The following NKAIN3 variants were observed in gnomAD, a reference collection of about 807,000 sequenced individuals.
The protein encoded by NKAIN3 is sodium/potassium-transporting ATPase subunit beta-1-interacting protein 3.
NKAIN3 carries 25 observed loss-of-function variants against 30.2 expected under a neutral mutation model. The ratio of observed to expected loss-of-function variants is 0.83; its 90% CI spans 0.60 to 1.16. The LOEUF (loss-of-function observed/expected upper bound fraction) is 1.16, where lower values mean the gene tolerates loss of function less well. NKAIN3 is among the 50% of genes most tolerant of loss of function. The pLI, the probability that NKAIN3 is intolerant of heterozygous loss-of-function variation, is 0.00. For missense variants in NKAIN3, 225 were observed against 254.1 expected (o/e 0.89, Z 0.78); for synonymous variants, 91 against 89.6 (o/e 1.02, Z -0.09).
chr8:62,279,913 A>G (rs1813115569), intron 1 of NKAIN3, among the ~76,000 whole-genome samples: 1 of 152,164 alleles, frequency 6.6e-6, no homozygotes, highest in African/African-American at 2.4e-5. Flanking sequence ...TTGTGAAGAA[A>G]GTCATTGGTA....
chr8:62,902,677 G>A (rs528438647), intron 4 of NKAIN3, among the ~76,000 whole-genome samples: 5 of 152,124 alleles, frequency 3.3e-5, no homozygotes, highest in East Asian at 1.9e-4. Context: ...GATTGTAAAC[G>A]GGTAAATATT....
chr8:62,607,849 C>T, intron 3 of NKAIN3, among the ~76,000 whole-genome samples: 1 of 152,020 alleles, frequency 6.6e-6, no homozygotes, highest in East Asian at 1.9e-4. Flanking sequence ...TATGAGTGAT[C>T]ATTTTCTGAA....
At chr8:62,789,312 C>A (rs866509914) in intron 4 of NKAIN3, among the ~76,000 whole-genome samples, 4 of 151,980 alleles carry the variant, frequency 2.6e-5, no homozygotes, top group South Asian at 2.1e-4. Flanking sequence ...ATGGGAGTTC[C>A]CTCATGATTT....
chr8:62,477,369 A>G (rs1806554737), intron 1 of NKAIN3, among the ~76,000 whole-genome samples: 1 of 152,112 alleles, frequency 6.6e-6, no homozygotes, highest in African/African-American at 2.4e-5. Context: ...AAACTGGTGA[A>G]TTGGATGAAT....
intron 4 of NKAIN3, among the ~76,000 whole-genome samples, chr8:62,848,141 G>A (rs1819748615): frequency 6.6e-6 from 1 of 152,088 alleles, no homozygotes; most frequent in South Asian, 2.1e-4. Context: ...TTTCTGCTTA[G>A]GATTGCCTTG....
At chr8:62,509,883 A>G (rs1206270295) in intron 1 of NKAIN3, among the ~76,000 whole-genome samples, 1 of 152,110 alleles carries the variant, frequency 6.6e-6, no homozygotes, top group African/African-American at 2.4e-5. Flanking sequence ...GTGCAGGGAA[A>G]TAATAATAAT....
At chr8:62,255,501 G>A (rs896459849) in intron 1 of NKAIN3, among the ~76,000 whole-genome samples, 13 of 152,158 alleles carry the variant, frequency 8.5e-5, no homozygotes, top group African/African-American at 2.9e-4. Context: ...TATGAGATAA[G>A]TTGCTCCTCT....
intron 6 of NKAIN3, among the ~76,000 whole-genome samples, chr8:62,963,859 C>T (rs531234056): frequency 1.1e-4 from 17 of 152,054 alleles, no homozygotes; most frequent in African/African-American, 3.9e-4. Flanking sequence ...TTTTTTTAGT[C>T]GTTTTCTTCA....
At chr8:62,920,537 G>T (rs1036164577) in intron 5 of NKAIN3, among the ~76,000 whole-genome samples, 6 of 152,174 alleles carry the variant, frequency 3.9e-5, no homozygotes, top group African/African-American at 1.4e-4. Context: ...CTTCTTTTCA[G>T]TGTATATAAA....
At chr8:62,826,828 G>A (rs1167620554) in intron 4 of NKAIN3, among the ~76,000 whole-genome samples, 1 of 152,186 alleles carries the variant, frequency 6.6e-6, no homozygotes, top group African/African-American at 2.4e-5. Flanking sequence ...AACTTAAACA[G>A]CTGAGACATG....
intron 3 of NKAIN3, among the ~76,000 whole-genome samples, chr8:62,682,621 C>G (rs1214378004): frequency 6.6e-6 from 1 of 152,128 alleles, no homozygotes; most frequent in African/African-American, 2.4e-5. Flanking sequence ...GAACTAGATG[C>G]TTTTGAGGTG....
At chr8:62,265,773 T>C (rs1812582698) in intron 1 of NKAIN3, among the ~76,000 whole-genome samples, 1 of 152,184 alleles carries the variant, frequency 6.6e-6, no homozygotes, top group African/African-American at 2.4e-5. Context: ...ACCGGGTGAC[T>C]TCAGATTTTT....
chr8:62,684,490 C>T (rs995624957), intron 3 of NKAIN3, among the ~76,000 whole-genome samples: 8 of 152,022 alleles, frequency 5.3e-5, no homozygotes, highest in Non-Finnish European at 7.4e-5. Flanking sequence ...AATATTGGGA[C>T]GAGAAGGATG....
chr8:62,619,535 A>G (rs1466604544), intron 3 of NKAIN3, among the ~76,000 whole-genome samples: 1 of 152,148 alleles, frequency 6.6e-6, no homozygotes, highest in East Asian at 1.9e-4. Context: ...CAACCAATGT[A>G]TATCTTAAAT....
At chr8:62,830,988 G>A (rs186375614) in intron 4 of NKAIN3, among the ~76,000 whole-genome samples, 72 of 152,186 alleles carry the variant, frequency 4.7e-4, no homozygotes, top group African/African-American at 1.3e-3. Context: ...TATACTCCAC[G>A]TATCAGCCCA....
At chr8:62,950,890 T>A (rs1823265311) in intron 5 of NKAIN3, among the ~76,000 whole-genome samples, 1 of 151,778 alleles carries the variant, frequency 6.6e-6, no homozygotes, top group African/African-American at 2.4e-5. Context: ...ACTCTTTCCA[T>A]TTCTACCATA....
intron 1 of NKAIN3, among the ~76,000 whole-genome samples, chr8:62,318,465 C>T (rs1456540899): frequency 6.6e-6 from 1 of 152,170 alleles, no homozygotes; most frequent in African/African-American, 2.4e-5. Flanking sequence ...TTTTGAGATA[C>T]ATCCCATCAA....
chr8:62,536,150 G>T (rs998664398), intron 1 of NKAIN3, among the ~76,000 whole-genome samples: 1 of 151,962 alleles, frequency 6.6e-6, no homozygotes, highest in African/African-American at 2.4e-5. Context: ...CTCTATTTTT[G>T]GAGCATTAAT....
chr8:62,840,253 T>A (rs974134495), intron 4 of NKAIN3, among the ~76,000 whole-genome samples: 1 of 152,128 alleles, frequency 6.6e-6, no homozygotes, highest in South Asian at 2.1e-4. Context: ...TATTGACTTA[T>A]TTAGTGACCT....
Sources: allele counts gnomAD v4.1 joint callset (sites outside exome capture counted in the v4.1 genomes callset), GRCh38; gene constraint gnomAD v4.1.1; transcripts MANE v1.5; gene names NCBI Gene and HGNC (gene_info 2026-07-23, HGNC 2026-07-21).